The following STARD13 variants were observed in gnomAD, a reference collection of about 807,000 sequenced individuals.
The protein encoded by STARD13 is StAR related lipid transfer domain containing 13.
In STARD13, 62 loss-of-function variants were observed where a neutral mutation model predicts 106.4. The ratio of observed to expected loss-of-function variants is 0.58; its 90% CI spans 0.48 to 0.72. STARD13 has a LOEUF of 0.72. Ranked by LOEUF, STARD13 falls within the 30% of genes least tolerant of loss-of-function variation. The pLI, the probability that STARD13 is intolerant of heterozygous loss-of-function variation, is 0.00. For synonymous variants in STARD13, 565 were observed against 553.0 expected (o/e 1.02, Z -0.31); for missense variants, 1,387 against 1,424.0 (o/e 0.97, Z 0.42).
At chr13:33,473,241 A>G in the STARD13 span, among the ~76,000 whole-genome samples, 4 of 152,332 alleles carry the variant, frequency 2.6e-5, no homozygotes, top group African/African-American at 9.6e-5. Context: ...ATCATCTATG[A>G]AGGCCCTATA....
the STARD13 span, among the ~76,000 whole-genome samples, chr13:33,562,233 A>G: frequency 6.8e-6 from 1 of 147,094 alleles, no homozygotes; most frequent in Non-Finnish European, 1.5e-5. Context: ...CTGCCTTTAA[A>G]AAAACTAGAA....
At chr13:33,488,861 C>T in the STARD13 span, among the ~76,000 whole-genome samples, 1 of 152,200 alleles carries the variant, frequency 6.6e-6, no homozygotes, top group South Asian at 2.1e-4. Flanking sequence ...ACATTTAAAG[C>T]ATTTAAGTCA....
the STARD13 span, among the ~76,000 whole-genome samples, chr13:33,403,269 C>T: frequency 2.5e-4 from 38 of 152,324 alleles, no homozygotes; most frequent in South Asian, 7.5e-3. Flanking sequence ...AGGGAACTCT[C>T]CTGTTTCAGT....
chr13:33,380,283 C>T, the STARD13 span, among the ~76,000 whole-genome samples: 28 of 151,984 alleles, frequency 1.8e-4, no homozygotes, highest in African/African-American at 5.8e-4. Context: ...GGCATGGTGG[C>T]GGGCGCCTGT....
chr13:33,306,987 T>C (rs1220394531), intron 1 of STARD13, among the ~76,000 whole-genome samples: 1 of 150,282 alleles, frequency 6.7e-6, no homozygotes, highest in African/African-American at 2.4e-5. Context: ...AAGAAAAAAG[T>C]GGGCAAAGGA....
At chr13:33,161,415 A>G (rs1882611515) in intron 3 of STARD13, among the ~76,000 whole-genome samples, 1 of 152,082 alleles carries the variant, frequency 6.6e-6, no homozygotes, top group African/African-American at 2.4e-5. Flanking sequence ...CTTGGGCTCA[A>G]GTGATCCTCC....
downstream of STARD13, among the ~76,000 whole-genome samples, chr13:33,346,425 C>T (rs1216790097): frequency 1.3e-5 from 2 of 152,138 alleles, no homozygotes; most frequent in Admixed American, 1.3e-4. Context: ...GCACAGAAAC[C>T]CATAGGCTTT....
At chr13:33,311,431 G>T (rs1279894566) in intron 1 of STARD13, among the ~76,000 whole-genome samples, 6 of 152,186 alleles carry the variant, frequency 3.9e-5, no homozygotes, top group Non-Finnish European at 1.5e-5. Flanking sequence ...ATATGACATG[G>T]ATTTTTAGGA....
At chr13:33,359,316 A>G in the STARD13 span, 1 of 165,628 alleles carries the variant, frequency 6.0e-6, no homozygotes, top group African/African-American at 2.4e-5. Context: ...GCGCTGCCTT[A>G]AGAGCTGTAA....
chr13:33,471,105 G>T, the STARD13 span, among the ~76,000 whole-genome samples: 1 of 152,188 alleles, frequency 6.6e-6, no homozygotes, highest in Admixed American at 6.6e-5. Context: ...TTTGTATAAG[G>T]TGTAAGGAAG....
At chr13:33,503,231 C>T in the STARD13 span, among the ~76,000 whole-genome samples, 1 of 152,014 alleles carries the variant, frequency 6.6e-6, no homozygotes, top group Non-Finnish European at 1.5e-5. Context: ...GGTGATATCC[C>T]CTTTATCATT....
intron 9 of STARD13, among the ~76,000 whole-genome samples, 197 bp downstream of exon 9, chr13:33,112,524 A>T (rs1874734421): frequency 1.3e-5 from 2 of 152,062 alleles, no homozygotes; most frequent in Admixed American, 1.3e-4. Context: ...TTTAGCTGTC[A>T]TCTATCATCT....
At chr13:33,610,366 G>A in the STARD13 span, among the ~76,000 whole-genome samples, 1 of 152,200 alleles carries the variant, frequency 6.6e-6, no homozygotes, top group Non-Finnish European at 1.5e-5. Flanking sequence ...ACATCTTGGT[G>A]ATGATATATT....
chr13:33,455,389 T>C, the STARD13 span, among the ~76,000 whole-genome samples: 2 of 151,844 alleles, frequency 1.3e-5, no homozygotes, highest in Admixed American at 1.3e-4. Context: ...TCAGGGGAGG[T>C]GGGGCTAAGA....
chr13:33,532,945 T>A, the STARD13 span, among the ~76,000 whole-genome samples: 2 of 151,942 alleles, frequency 1.3e-5, no homozygotes, highest in South Asian at 4.1e-4. Context: ...CACAAAATTT[T>A]TCCAAAGGGG....
At position 33,112,735 on chromosome 13, in the gene STARD13, T is replaced by C. The variant is rs1874788631; in HGVS notation, c.2478A>G (p.Lys826=). The C allele has an allele frequency of 6.3e-7, 1 of 1,599,718 alleles. No homozygotes were observed. The change falls in exon 9 of 14, where the codon AAA becomes AAG. Residue 826 remains lysine (K), a synonymous_variant. Coordinates refer to ENST00000336934, the MANE Select transcript of STARD13 (RefSeq NM_178006.4). ...AAAAAACCCACCGTGGAGAGCTTTC[T>C]TTCTTCAATAAATTAAGATGAAAGA... ...PSLFHLNLLK[K]ESSPRVIQKK...
chr13:33,335,415 A>C (rs1388234767), intron 1 of STARD13: 6 of 152,256 alleles, frequency 3.9e-5, no homozygotes. Flanking sequence ...CCATGCTGTC[A>C]CTACGACACC....
intron 1 of STARD13, among the ~76,000 whole-genome samples, chr13:33,180,051 C>T (rs1885076377): frequency 2.0e-5 from 3 of 152,194 alleles, no homozygotes; most frequent in African/African-American, 7.2e-5. Flanking sequence ...ATCTAACATG[C>T]AATTCATTTT....
At chr13:33,459,850 T>C in the STARD13 span, among the ~76,000 whole-genome samples, 1 of 152,262 alleles carries the variant, frequency 6.6e-6, no homozygotes, top group East Asian at 1.9e-4. Context: ...CTTGACACTT[T>C]CTTTTTCAGG....
Sources: gnomAD v4.1 joint callset for allele counts (sites outside exome capture counted in the v4.1 genomes callset) on GRCh38, gnomAD v4.1.1 for gene constraint, MANE v1.5 for transcripts, NCBI Gene and HGNC (gene_info 2026-07-23, HGNC 2026-07-21) for gene names.